Variants in MRPS16 observed in about 807,000 individuals in gnomAD.
The protein encoded by MRPS16 is small ribosomal subunit protein bS16m.
Under a neutral mutation model 11.0 loss-of-function variants are expected in MRPS16, and 5 were observed. That is an observed-to-expected ratio of 0.46 (90% confidence interval 0.24 to 0.96). The LOEUF (loss-of-function observed/expected upper bound fraction) is 0.96. Ranked by LOEUF, MRPS16 falls within the 40% of genes least tolerant of loss-of-function variation. The pLI, the probability that MRPS16 is intolerant of heterozygous loss-of-function variation, is 0.20. For missense variants in MRPS16, 179 were observed against 174.4 expected (o/e 1.03, Z -0.15); for synonymous variants, 76 against 65.0 (o/e 1.17, Z -0.81).
chr10:73,250,720 G>T lies in MRPS16; in HGVS notation c.*132C>A. 8.1e-7 allele frequency: 1 copy of T among 1,236,868 alleles called. No individual in the cohort carries two copies. The highest frequency in any genetic ancestry group is 1.2e-6 in the Non-Finnish European group (1 of 852,852). 76.6% of individuals were successfully genotyped at this position (1,236,868 alleles called of 1,614,324 possible). On this transcript the variant is annotated 3_prime_UTR_variant, in exon 3 of 3. Transcript: ENST00000372945. ...CTCTCCCTGGGCCCTGTGCAGGCCA[G>T]GCCAGAAGAGCAAGGGCAACTCAGG...
At position 73,250,745 on chromosome 10, in the gene MRPS16, G is replaced by C; in HGVS notation, c.*107C>G. 1.4e-6 allele frequency: 2 copies of C among 1,462,308 alleles called. No individual in the cohort carries two copies. The highest frequency in any genetic ancestry group is 1.9e-6 in the Non-Finnish European group (2 of 1,056,218). The allele number at this position is 1,462,308 out of a possible 1,614,324, so 90.6% of individuals were successfully genotyped here. A position where few individuals can be genotyped will look rare whatever the true frequency, so the allele number is the denominator to read the frequency against. ...GGCCAGAAGAGCAAGGGCAACTCAG[G>C]ATACTCCATTTATTGAACTCCAAAT... is the stretch of plus-strand genomic sequence containing the variant. On this transcript the variant is annotated 3_prime_UTR_variant, in exon 3 of 3. Transcript: ENST00000372945.
rs780406784 is a variant in MRPS16, at chr10:73,251,854, A to G, written c.183T>C (p.His61=). 4 of 1,614,194 alleles carry G rather than the reference A, an allele frequency of 2.5e-6. No individual in the cohort carries two copies. The highest frequency in any genetic ancestry group is 3.4e-6 in the Non-Finnish European group (4 of 1,180,042). Residue 61 remains histidine (H), a synonymous_variant, in exon 2 of 3, where the codon CAT becomes CAC. Coordinates refer to ENST00000372945, the MANE Select transcript of MRPS16 (RefSeq NM_016065.4). ...GGTTGAGGGCAACGAGTTTTTCTCC[A>G]TGACTGTTGGGCAATGGATCATAGG... ...LGSYDPLPNS[H]GEKLVALNLD...
chr10:73,251,047 A>G, intron 2 of MRPS16, 56 bp from the exon 3 acceptor site: 1 of 1,596,220 alleles, frequency 6.3e-7, no homozygotes, highest in Non-Finnish European at 8.6e-7. Context: ...ATGCTTCCCT[A>G]GGAACTCTGT....
At position 73,252,148 on chromosome 10, in the gene MRPS16, A is replaced by C. The variant is rs1564727502; in HGVS notation, c.14-125T>G. ...CAATCCATTCCTGTCAATCCAGTTTAGATGCTACTCTTCTTTGTGAAACCC... is the reference window on the plus strand; with the variant it reads ...CAATCCATTCCTGTCAATCCAGTTTCGATGCTACTCTTCTTTGTGAAACCC... On this transcript the variant is annotated intron_variant, in intron 1 of 2. Coordinates refer to ENST00000372945, the MANE Select transcript of MRPS16 (RefSeq NM_016065.4). The C allele has an allele frequency of 2.0e-5, 28 of 1,403,390 alleles. No homozygotes were observed. The East Asian group carries it at 7.0e-4, about 35-fold the overall frequency. The allele number at this position is 1,403,390 out of a possible 1,614,324, so 86.9% of individuals were successfully genotyped here.
chr10:73,249,248 C>G lies in MRPS16; in HGVS notation c.*1604G>C. ...TTATATTATTTTTCCTTACAAGTTA[C>G]TTCAAATTCTTGATGTTGAATTTCA... On this transcript the variant is annotated 3_prime_UTR_variant, in exon 3 of 3. Coordinates refer to ENST00000372945, the MANE Select transcript of MRPS16 (RefSeq NM_016065.4). The G allele has an allele frequency of 6.5e-7, 1 of 1,541,988 alleles. No individual in the cohort carries two copies. Among genetic ancestry groups the G allele is most frequent in the Non-Finnish European group, 8.8e-7 (1 of 1,139,748 alleles).
rs777576361 is a variant in MRPS16 at position 73,250,805 on chromosome 10, G to T, written c.*47C>A. On this transcript the variant is annotated 3_prime_UTR_variant, in exon 3 of 3. Transcript: ENST00000372945. Reference sequence around the variant, plus strand: ...TTAAGATCGCTGCAGTGTTTCAAAAGGACCTTGACCTTGTTCCCACTGCTA... The same window carrying T: ...TTAAGATCGCTGCAGTGTTTCAAAATGACCTTGACCTTGTTCCCACTGCTA... 3 of 1,608,314 alleles carry T rather than the reference G, an allele frequency of 1.9e-6. No individual in the cohort carries two copies. In the East Asian group the frequency reaches 6.7e-5, roughly 36 times the overall value.
chr10:73,251,636 C>T, intron 2 of MRPS16, 127 bp downstream of exon 2: 2 of 1,374,182 alleles, frequency 1.5e-6, no homozygotes, highest in South Asian at 2.3e-5. Context: ...CCGCCTCGGC[C>T]TCCCAAAGCG....
rs2044075793 is a variant in MRPS16 at position 73,250,598 on chromosome 10, A to G, written c.*254T>C. ...TCCAAGAGACCCAGAGCCCAACTCA[A>G]AAGTCCAATCCTCCCATAGCCACTG... On this transcript the variant is annotated 3_prime_UTR_variant, in exon 3 of 3. Transcript: ENST00000372945. 1 of 486,938 alleles carries G rather than the reference A, an allele frequency of 2.1e-6. No homozygotes were observed. Among genetic ancestry groups the G allele is most frequent in the Admixed American group, 3.3e-5 (1 of 30,010 alleles). The allele number at this position is 486,938 out of a possible 1,614,324, so 30.2% of individuals were successfully genotyped here. A position where few individuals can be genotyped will look rare whatever the true frequency, so the allele number is the denominator to read the frequency against.
rs1191853079 is a variant in MRPS16, at chr10:73,251,773, T to C, written c.264A>G (p.Glu88=). ...CCAGAGCTGAGTTACCCAGAAGCTT[T>C]TCCATAGGCTTAGAGAGGTGGGCCC... ...GCGAHLSKPM[E]KLLGLAGFFP... Residue 88 remains glutamate (E), a synonymous_variant, in exon 2 of 3, where the codon GAA becomes GAG. Coordinates refer to ENST00000372945, the MANE Select transcript of MRPS16 (RefSeq NM_016065.4). 4.3e-6 allele frequency: 7 copies of C among 1,614,072 alleles called. No homozygotes were observed. Among genetic ancestry groups the C allele is most frequent in the African/African-American group, 4.0e-5 (3 of 74,922 alleles).
rs753459882 is a variant in MRPS16 at position 73,250,921 on chromosome 10, T to G, written c.345A>C (p.Ala115=). The change falls in exon 3 of 3, where the codon GCA becomes GCC. Residue 115 remains alanine, a synonymous_variant. Transcript: ENST00000372945. ...TCTGAGAAGCTAACAGGACTTCACGTGCCCGTTTCCTTCGCAGTCTCTCAG... is the reference window on the plus strand; with the variant it reads ...TCTGAGAAGCTAACAGGACTTCACGGGCCCGTTTCCTTCGCAGTCTCTCAG... The part of the protein sequence containing the change: ...TNAERLRRKR[A]REVLLASQKT... 1 of 1,614,222 alleles carries G rather than the reference T, an allele frequency of 6.2e-7. No individual in the cohort carries two copies. The highest frequency in any genetic ancestry group is 8.5e-7 in the Non-Finnish European group (1 of 1,180,022).
At position 73,250,784 on chromosome 10, in the gene MRPS16, G is replaced by A; in HGVS notation, c.*68C>T. On this transcript the variant is annotated 3_prime_UTR_variant, in exon 3 of 3. Coordinates refer to ENST00000372945, the MANE Select transcript of MRPS16 (RefSeq NM_016065.4). ...TGAACTCCAAATCTAACAAAATTAA[G>A]ATCGCTGCAGTGTTTCAAAAGGACC... 2 of 1,588,038 alleles carry A rather than the reference G, an allele frequency of 1.3e-6. No individual in the cohort carries two copies. Among genetic ancestry groups the A allele is most frequent in the Non-Finnish European group, 1.7e-6 (2 of 1,163,508 alleles).
At chr10:73,251,091 G>C in intron 2 of MRPS16, 100 bp from the exon 3 acceptor site, 1 of 1,389,264 alleles carries the variant, frequency 7.2e-7, no homozygotes, top group East Asian at 2.3e-5. Flanking sequence ...CTGACCCAGT[G>C]CATGGATGCA....
Sources: gnomAD v4.1 joint callset for allele counts on GRCh38, gnomAD v4.1.1 for gene constraint, MANE v1.5 for transcripts, NCBI Gene and HGNC (gene_info 2026-07-23, HGNC 2026-07-21) for gene names.